The following ZWILCH variants were observed in gnomAD, a reference collection of about 807,000 sequenced individuals.
The protein encoded by ZWILCH is protein zwilch homolog.
Under a neutral mutation model 79.9 loss-of-function variants are expected in ZWILCH, and 74 were observed. The observed-to-expected ratio is 0.93, with a 90% confidence interval of 0.77 to 1.12. The LOEUF is 1.12. Ranked by LOEUF, ZWILCH falls within the 50% of genes most tolerant of loss-of-function variation. ZWILCH has a pLI of 0.00. For missense variants in ZWILCH, 694 were observed against 687.5 expected, an observed-to-expected ratio of 1.01 and a Z score of -0.11; for synonymous variants, 241 against 228.2, an observed-to-expected ratio of 1.06 and a Z score of -0.51.
In ZWILCH at chr15:66,520,672, G is replaced by A; in HGVS notation, c.591+12G>A. On this transcript the variant is annotated intron_variant, in intron 6 of 18. Transcript: ENST00000307897. ...ATCACTTGTCTACTGTAAGTGTTTTGCTTCTACTCATATTATTTTCTTCAA... is the reference window on the plus strand; with the variant it reads ...ATCACTTGTCTACTGTAAGTGTTTTACTTCTACTCATATTATTTTCTTCAA... 1 of 1,520,038 alleles carries A rather than the reference G, an allele frequency of 6.6e-7. No individual in the cohort carries two copies. The highest frequency in any genetic ancestry group is 2.3e-5 in the East Asian group (1 of 44,290). The allele number at this position is 1,520,038 out of a possible 1,614,324, so 94.2% of individuals were successfully genotyped here. A position where few individuals can be genotyped will look rare whatever the true frequency, so the allele number is the denominator to read the frequency against.
intron 4 of ZWILCH, among the ~76,000 whole-genome samples, chr15:66,517,455 T>TATATATATATAG (rs1180456312): frequency 0.017 from 1,893 of 114,586 alleles, 47 homozygotes; most frequent in East Asian, 0.029. Context: ...TATATATATA[T>TATATATATATAG]AGTAATGTAC....
intron 15 of ZWILCH, 54 bp downstream of exon 15, chr15:66,536,123 T>G: frequency 6.8e-7 from 1 of 1,468,016 alleles, no homozygotes; most frequent in Non-Finnish European, 9.2e-7. Flanking sequence ...TTTGAAATAG[T>G]TACAGCCTAA....
chr15:66,523,877 A>G, intron 8 of ZWILCH, 129 bp downstream of exon 8: 1 of 608,148 alleles, frequency 1.6e-6, no homozygotes, highest in Non-Finnish European at 2.7e-6. Flanking sequence ...AGAAGCTCTG[A>G]CAGTTTGGGC....
intron 14 of ZWILCH, 69 bp from the exon 15 acceptor site, chr15:66,535,864 A>T: frequency 4.3e-6 from 6 of 1,383,784 alleles, no homozygotes; most frequent in Non-Finnish European, 5.8e-6. Flanking sequence ...TAGAAGGCAT[A>T]CCTATATTCT....
intron 3 of ZWILCH, 187 bp downstream of exon 3, chr15:66,514,270 G>A (rs952936874): frequency 2.9e-6 from 1 of 339,036 alleles, no homozygotes; most frequent in Non-Finnish European, 5.4e-6. Context: ...ACATTTTCTT[G>A]TAGCCTCATT....
chr15:66,530,069 C>T (rs1462852205), intron 12 of ZWILCH, among the ~76,000 whole-genome samples: 1 of 152,120 alleles, frequency 6.6e-6, no homozygotes, highest in Non-Finnish European at 1.5e-5. Flanking sequence ...TCAGAATAGT[C>T]ATCTCAGCCT....
At chr15:66,527,482 A>AG in intron 9 of ZWILCH, 99 bp downstream of exon 9, 1 of 983,444 alleles carries the variant, frequency 1.0e-6, no homozygotes, top group Non-Finnish European at 1.6e-6. Context: ...GAATATATAC[A>AG]AAGCTATGAG....
chr15:66,542,600 C>A (rs1895229119), intron 17 of ZWILCH, among the ~76,000 whole-genome samples: 1 of 152,006 alleles, frequency 6.6e-6, no homozygotes, highest in Non-Finnish European at 1.5e-5. Context: ...AAGAAATTCG[C>A]AACCCATGTT....
chr15:66,533,041 G>A (rs1894902869), intron 14 of ZWILCH, 28 bp downstream of exon 14: 2 of 1,538,930 alleles, frequency 1.3e-6, no homozygotes, highest in Non-Finnish European at 8.9e-7. Context: ...TTCTAAAATT[G>A]GTTTTTCTTT....
intron 8 of ZWILCH, among the ~76,000 whole-genome samples, chr15:66,525,072 G>A (rs1020084936): frequency 6.6e-5 from 10 of 152,168 alleles, no homozygotes; most frequent in Admixed American, 1.3e-4. Context: ...ATGTCAAAAT[G>A]AAACTATCTT....
At chr15:66,526,584 C>T (rs35073258) in intron 8 of ZWILCH, among the ~76,000 whole-genome samples, 9,780 of 151,964 alleles carry the variant, frequency 0.064, 390 homozygotes, top group Middle Eastern at 0.11. Flanking sequence ...CTCAGCCTCC[C>T]GAGTAGCTGG....
chr15:66,520,017 C>G (rs1894437648), intron 5 of ZWILCH, among the ~76,000 whole-genome samples: 1 of 152,068 alleles, frequency 6.6e-6, no homozygotes, highest in Admixed American at 6.6e-5. Flanking sequence ...ACTGTATTGC[C>G]CAGGCTGGTC....
intron 8 of ZWILCH, among the ~76,000 whole-genome samples, chr15:66,524,152 G>A (rs1040815001): frequency 6.6e-6 from 1 of 152,006 alleles, no homozygotes; most frequent in African/African-American, 2.4e-5. Flanking sequence ...CATGTCTTGG[G>A]TGGAGTTACT....
Position 66,549,999 on chromosome 15 carries a change from A to C in ZWILCH, c.*1675A>C. ...TTGAAAATGATATGTATAATTATTT[A>C]GTTTAATTATTAAAGGAAAACATTG... On this transcript the variant is annotated 3_prime_UTR_variant, in exon 19 of 19. Transcript: ENST00000307897. 7.6e-7 allele frequency: 1 copy of C among 1,322,266 alleles called. No homozygotes were observed. Among genetic ancestry groups the C allele is most frequent in the Admixed American group, 2.3e-5 (1 of 44,304 alleles). The allele number at this position is 1,322,266 out of a possible 1,614,324, so 81.9% of individuals were successfully genotyped here.
Position 66,532,405 on chromosome 15 carries a change from T to C in ZWILCH, c.1312+2T>C. The C allele has an allele frequency of 6.3e-7, 1 of 1,599,712 alleles. No homozygotes were observed. The highest frequency in any genetic ancestry group is 8.5e-7 in the Non-Finnish European group (1 of 1,175,104). ...AAGATTATATCAGTTTTTTCATAGGTAAGTATCTTTCCTGGCTCAAAAAAT... is the reference window on the plus strand; with the variant it reads ...AAGATTATATCAGTTTTTTCATAGGCAAGTATCTTTCCTGGCTCAAAAAAT... On this transcript the variant is annotated splice_donor_variant, in intron 13 of 18. Coordinates refer to ENST00000307897, the MANE Select transcript of ZWILCH (RefSeq NM_017975.5). LOFTEE classifies it high-confidence loss of function.
chr15:66,508,970 T>C, intron 2 of ZWILCH, 78 bp downstream of exon 2: 1 of 1,503,592 alleles, frequency 6.7e-7, no homozygotes, highest in East Asian at 2.3e-5. Flanking sequence ...GACGGAGTCA[T>C]GCTCTGTTAC....
chr15:66,509,096 C>T (rs549402216), intron 2 of ZWILCH, among the ~76,000 whole-genome samples: 130 of 152,220 alleles, frequency 8.5e-4, no homozygotes, highest in African/African-American at 2.8e-3. Context: ...CCTGCCACCA[C>T]GCCTGACTAA....
chr15:66,535,551 C>T (rs1894986578), intron 14 of ZWILCH, among the ~76,000 whole-genome samples: 1 of 151,862 alleles, frequency 6.6e-6, no homozygotes, highest in Non-Finnish European at 1.5e-5. Context: ...TGGTGCATGC[C>T]TGTAATCCCA....
intron 5 of ZWILCH, 83 bp downstream of exon 5, chr15:66,519,161 ATTG>A: frequency 7.3e-7 from 1 of 1,370,610 alleles, no homozygotes; most frequent in South Asian, 1.2e-5. Context: ...GAAAATTGAT[ATTG>A]TTATGATGAA....
Sources: gnomAD v4.1 joint callset for allele counts (sites outside exome capture counted in the v4.1 genomes callset) on GRCh38, gnomAD v4.1.1 for gene constraint, MANE v1.5 for transcripts, NCBI Gene and HGNC (gene_info 2026-07-23, HGNC 2026-07-21) for gene names.